The following KLHL6 variants were observed in gnomAD, a reference collection of about 807,000 sequenced individuals.
KLHL6 encodes the protein kelch-like protein 6.
KLHL6 carries 41 observed loss-of-function variants against 58.6 expected under a neutral mutation model. The ratio of observed to expected loss-of-function variants is 0.70; its 90% CI spans 0.55 to 0.91. KLHL6 has a LOEUF of 0.91. Among genes scored for constraint, KLHL6 ranks in the 40% least tolerant of loss-of-function variants. The pLI, the probability that KLHL6 is intolerant of heterozygous loss-of-function variation, is 0.00. For synonymous variants in KLHL6, 338 were observed against 322.7 expected (o/e 1.05, Z -0.51); for missense variants, 714 against 805.6 (o/e 0.89, Z 1.38).
At chr3:183,514,812 G>A (rs1246323105) in intron 2 of KLHL6, among the ~76,000 whole-genome samples, 1 of 151,876 alleles carries the variant, frequency 6.6e-6, no homozygotes, top group Non-Finnish European at 1.5e-5. Context: ...GGGACTACAG[G>A]GGCACGCCAC....
At chr3:183,500,997 T>G (rs193280557) in intron 3 of KLHL6, among the ~76,000 whole-genome samples, 3,026 of 152,248 alleles carry the variant, frequency 0.02, 137 homozygotes, top group East Asian at 0.18. Flanking sequence ...TCTTTGTTTG[T>G]TCGGTTGGTT....
Position 183,494,241 on chromosome 3 carries a change from A to G in KLHL6, c.1188T>C (p.Ser396=), listed in dbSNP as rs1356277101. ...ETQHDVWKYN[S]SINKWIQIEY... ...CAATCTGAATCCACTTGTTGATCGA[A>G]GAATTATATTTCCAAACATCATGCT... Residue 396 remains serine, a synonymous_variant, in exon 5 of 7, where the codon TCT becomes TCC. Coordinates refer to ENST00000341319, the MANE Select transcript of KLHL6 (RefSeq NM_130446.4). The G allele has an allele frequency of 1.9e-6, 3 of 1,614,070 alleles. No homozygotes were observed. The South Asian group carries it at 3.3e-5, about 18-fold the overall frequency.
chr3:183,493,162 A>G, intron 5 of KLHL6: 1 of 188,124 alleles, frequency 5.3e-6, no homozygotes, highest in Non-Finnish European at 1.1e-5. Context: ...AGGTAAGCAG[A>G]CTCTTCCATT....
chr3:183,494,110 G>T lies in KLHL6; in HGVS notation c.1319C>A (p.Thr440Asn), dbSNP rs751809452. The change falls in exon 5 of 7, where the codon ACC (threonine) becomes AAC (asparagine). Residue 440 changes from threonine to asparagine, a missense_variant. Thr to Asn is a moderately conservative substitution (Grantham distance 65). Around this residue, in one of 2 missense-constraint regions of KLHL6, gnomAD observed 510 missense variants for 629.7 expected, o/e 0.81. Coordinates refer to ENST00000341319, the MANE Select transcript of KLHL6 (RefSeq NM_130446.4). ...CCAGCAGTTGTGAAAGGGGTCGTAGGTCTCCACATTGTTGATTCTCTGTAA... is the reference window on the plus strand; with the variant it reads ...CCAGCAGTTGTGAAAGGGGTCGTAGTTCTCCACATTGTTGATTCTCTGTAA... The part of the protein sequence containing the change: ...DGLQRINNVE[T>N]YDPFHNCWSE... 3 of 1,614,148 alleles carry T rather than the reference G, an allele frequency of 1.9e-6. No homozygotes were observed. The highest frequency in any genetic ancestry group is 3.3e-5 in the Admixed American group (2 of 60,018).
chr3:183,505,051 G>T (rs923077757), intron 3 of KLHL6, among the ~76,000 whole-genome samples: 1 of 152,166 alleles, frequency 6.6e-6, no homozygotes, highest in African/African-American at 2.4e-5. Context: ...TCTTTTCTAT[G>T]GCTGTGTAGT....
At chr3:183,543,323 T>C (rs1210918661) in intron 1 of KLHL6, among the ~76,000 whole-genome samples, 2 of 151,528 alleles carry the variant, frequency 1.3e-5, no homozygotes, top group Admixed American at 1.3e-4. Flanking sequence ...GATAATACTA[T>C]GCAGTGCTCC....
chr3:183,534,948 A>ATTTTT (rs199669663), intron 1 of KLHL6, among the ~76,000 whole-genome samples: 2 of 31,022 alleles, frequency 6.4e-5, no homozygotes, highest in African/African-American at 1.1e-4. Flanking sequence ...ATATATATAT[A>ATTTTT]TATTTTTTTT....
In KLHL6 at chr3:183,492,545, C is replaced by G. The variant is rs1717596927; in HGVS notation, c.1513G>C (p.Glu505Gln). 2.5e-6 allele frequency: 4 copies of G among 1,614,246 alleles called. No individual in the cohort carries two copies. The East Asian group carries it at 8.9e-5, about 36-fold the overall frequency. The change falls in exon 6 of 7, where the codon GAG becomes CAG. Residue 505 changes from glutamate to glutamine, a missense_variant. Physicochemically the swap from Glu to Gln is conservative, Grantham distance 29. This residue lies in a region of KLHL6 where 510 missense variants were observed against 629.7 expected (regional missense o/e 0.81). Transcript: ENST00000341319. The surrounding 1 kb of genome is among the most constrained non-coding windows in gnomAD (Gnocchi z 5.9). ...KWSLKAAMPV[E>Q]AKCINAVSFR... Reference sequence around the variant, plus strand: ...CTCACTGCATTGATGCATTTAGCCTCCACGGGCATGGCCGCCTTCAAACTC... The same window carrying G: ...CTCACTGCATTGATGCATTTAGCCTGCACGGGCATGGCCGCCTTCAAACTC...
rs1717491212 is a variant in KLHL6, at chr3:183,489,722, G to A, written c.*2205C>T. ...GTGTTACTTTCCACAGCAGAGAGCT[G>A]AACTGTCACGCTTCTAAGGCACAGA... On this transcript the variant is annotated 3_prime_UTR_variant, in exon 7 of 7. Coordinates refer to ENST00000341319, the MANE Select transcript of KLHL6 (RefSeq NM_130446.4). 6.6e-6 allele frequency: 1 copy of A among 152,184 alleles called. No homozygotes were observed. The highest frequency in any genetic ancestry group is 6.5e-5 in the Admixed American group (1 of 15,272). 9.4% of individuals were successfully genotyped at this position (152,184 alleles called of 1,614,324 possible). A position where few individuals can be genotyped will look rare whatever the true frequency, so the allele number is the denominator to read the frequency against.
chr3:183,536,183 G>A (rs964247206), intron 1 of KLHL6, among the ~76,000 whole-genome samples: 6 of 152,160 alleles, frequency 3.9e-5, no homozygotes, highest in South Asian at 2.1e-4. Context: ...TGCTAGTGAC[G>A]TAAGGGAACA....
chr3:183,510,361 G>A (rs1220401451), intron 2 of KLHL6, among the ~76,000 whole-genome samples: 4 of 151,950 alleles, frequency 2.6e-5, no homozygotes, highest in Non-Finnish European at 1.5e-5. Context: ...GGACAGGACA[G>A]ACCTGACTGG....
chr3:183,512,821 A>C (rs547594314), intron 2 of KLHL6, among the ~76,000 whole-genome samples: 1 of 151,324 alleles, frequency 6.6e-6, no homozygotes, highest in African/African-American at 2.4e-5. Flanking sequence ...TAAATAAATA[A>C]ATATATATAT....
chr3:183,535,943 T>C (rs1712351176), intron 1 of KLHL6, among the ~76,000 whole-genome samples: 1 of 152,134 alleles, frequency 6.6e-6, no homozygotes, highest in African/African-American at 2.4e-5. Flanking sequence ...GCATGGCTAA[T>C]TTTTGTATTT....
chr3:183,549,692 T>C lies in KLHL6; in HGVS notation c.293+5669A>G, dbSNP rs987171196. On this transcript the variant is annotated intron_variant, in intron 1 of 6. Transcript: ENST00000341319. ...CCCAGCTAATTTTTTGTATTTTTAG[T>C]AGAGATGGGGTTTCACCATGTTAGT... is the stretch of plus-strand genomic sequence containing the variant. Among the ~76,000 whole-genome samples, 9 of 152,298 alleles carry C rather than the reference T, an allele frequency of 5.9e-5. No individual in the cohort carries two copies. The East Asian group carries it at 7.7e-4, about 13-fold the overall frequency.
At chr3:183,549,147 G>A (rs572483900) in intron 1 of KLHL6, among the ~76,000 whole-genome samples, 1 of 148,420 alleles carries the variant, frequency 6.7e-6, no homozygotes, top group Non-Finnish European at 1.5e-5. Flanking sequence ...ATGTATCCCA[G>A]AACTTAAAGT....
intron 2 of KLHL6, among the ~76,000 whole-genome samples, chr3:183,527,465 GA>G (rs1456575340): frequency 2.6e-5 from 4 of 152,134 alleles, no homozygotes; most frequent in Non-Finnish European, 5.9e-5. Flanking sequence ...CACCCTCGAT[GA>G]AACCAGGAGA....
intron 2 of KLHL6, among the ~76,000 whole-genome samples, chr3:183,525,966 C>T (rs140505426): frequency 3.9e-5 from 6 of 152,306 alleles, no homozygotes; most frequent in Middle Eastern, 3.4e-3. Flanking sequence ...GCTTCCCTTC[C>T]GGGGTTCTGA....
intron 2 of KLHL6, among the ~76,000 whole-genome samples, chr3:183,527,299 G>A (rs1275124931): frequency 6.6e-6 from 1 of 152,038 alleles, no homozygotes; most frequent in Non-Finnish European, 1.5e-5. Context: ...CATTAAAAAA[G>A]CTATATTTTA....
intron 2 of KLHL6, among the ~76,000 whole-genome samples, chr3:183,515,927 T>C (rs1258995203): frequency 1.3e-5 from 2 of 152,254 alleles, no homozygotes; most frequent in Non-Finnish European, 2.9e-5. Context: ...AAATTTTATT[T>C]TTTAACAAGT....
Sources: allele counts gnomAD v4.1 joint callset (sites outside exome capture counted in the v4.1 genomes callset), GRCh38; gene constraint gnomAD v4.1.1; regional missense constraint gnomAD v4.1.1; non-coding constraint Gnocchi (gnomAD v3.1); transcripts MANE v1.5; gene names NCBI Gene and HGNC (gene_info 2026-07-23, HGNC 2026-07-21).